The following KCNMB2 variants were observed in gnomAD, a reference collection of about 807,000 sequenced individuals.
The protein encoded by KCNMB2 is potassium calcium-activated channel subfamily M regulatory beta subunit 2.
KCNMB2 carries 9 observed loss-of-function variants against 24.5 expected under a neutral mutation model. The observed-to-expected ratio is 0.37, with a 90% CI of 0.22 to 0.64. KCNMB2 has a LOEUF of 0.64. Among genes scored for constraint, KCNMB2 ranks in the 30% least tolerant of loss-of-function variants. KCNMB2 has a pLI of 0.63. For missense variants in KCNMB2, 226 were observed against 284.3 expected, an observed-to-expected ratio of 0.79 and a Z score of 1.47; for synonymous variants, 109 against 104.4, an observed-to-expected ratio of 1.04 and a Z score of -0.27.
intron 1 of KCNMB2, among the ~76,000 whole-genome samples, chr3:178,718,333 A>C (rs1319248128): frequency 6.6e-6 from 1 of 152,180 alleles, no homozygotes. Context: ...CCAACCAAAC[A>C]AGAAAATCTT....
chr3:178,628,971 T>C (rs1183054605), intron 1 of KCNMB2, among the ~76,000 whole-genome samples: 1 of 152,166 alleles, frequency 6.6e-6, no homozygotes, highest in Non-Finnish European at 1.5e-5. Context: ...CCTGATATCA[T>C]CTCAACAATA....
At chr3:178,650,539 C>A (rs1431105732) in intron 1 of KCNMB2, among the ~76,000 whole-genome samples, 1 of 151,920 alleles carries the variant, frequency 6.6e-6, no homozygotes, top group East Asian at 1.9e-4. Flanking sequence ...ACTACAGGGA[C>A]TTCTCCCTCA....
chr3:178,728,869 C>G (rs1173040401), intron 1 of KCNMB2, among the ~76,000 whole-genome samples: 1 of 152,182 alleles, frequency 6.6e-6, no homozygotes, highest in Non-Finnish European at 1.5e-5. Flanking sequence ...GATCCTATTT[C>G]ATCATTTGTG....
At chr3:178,649,311 C>G (rs538241001) in intron 1 of KCNMB2, among the ~76,000 whole-genome samples, 43 of 152,224 alleles carry the variant, frequency 2.8e-4, no homozygotes, top group African/African-American at 1.0e-3. Flanking sequence ...ATAAACATCA[C>G]CTTCTATTCT....
intron 1 of KCNMB2, among the ~76,000 whole-genome samples, chr3:178,570,816 G>A (rs975428936): frequency 6.6e-6 from 1 of 152,090 alleles, no homozygotes; most frequent in Non-Finnish European, 1.5e-5. Flanking sequence ...ATGAACTCTG[G>A]TAAGAAGAAA....
chr3:178,784,314 T>TA (rs1427695495), intron 1 of KCNMB2, among the ~76,000 whole-genome samples: 1 of 152,174 alleles, frequency 6.6e-6, no homozygotes, highest in East Asian at 1.9e-4. Flanking sequence ...AGAGGTTAAC[T>TA]AGCTTACCCC....
intron 1 of KCNMB2, among the ~76,000 whole-genome samples, chr3:178,586,524 T>A (rs1717433950): frequency 7.7e-6 from 1 of 129,914 alleles, no homozygotes; most frequent in Non-Finnish European, 1.5e-5. Context: ...TTTTCTTTTC[T>A]TTTTTTTTTC....
chr3:178,801,265 T>C (rs1202091173), intron 1 of KCNMB2, among the ~76,000 whole-genome samples: 1 of 152,112 alleles, frequency 6.6e-6, no homozygotes, highest in Non-Finnish European at 1.5e-5. Context: ...TGTTACCCAT[T>C]GTATGCCTGT....
At chr3:178,695,435 G>A (rs868150718) in intron 1 of KCNMB2, among the ~76,000 whole-genome samples, 1 of 152,166 alleles carries the variant, frequency 6.6e-6, no homozygotes, top group Admixed American at 6.5e-5. Flanking sequence ...TCTCCCCCAC[G>A]AAGTGGGTTT....
rs895873244 is a variant in KCNMB2 at position 178,723,314 on chromosome 3, T to C, written c.-67-84029T>C. On this transcript the variant is annotated intron_variant, in intron 1 of 4. Transcript: ENST00000452583. Reference sequence around the variant, plus strand: ...AATCTATGAATCACTTTGTGGATAATTGACATCTTTACTATATTGAGTCTT... The same window carrying C: ...AATCTATGAATCACTTTGTGGATAACTGACATCTTTACTATATTGAGTCTT... Among the ~76,000 whole-genome samples, 3 of 152,222 alleles carry C rather than the reference T, an allele frequency of 2.0e-5. 1 individual carries two copies. The highest frequency in any genetic ancestry group is 7.2e-5 in the African/African-American group (3 of 41,462).
At chr3:178,713,458 A>C (rs1722517393) in intron 1 of KCNMB2, among the ~76,000 whole-genome samples, 1 of 152,236 alleles carries the variant, frequency 6.6e-6, no homozygotes, top group South Asian at 2.1e-4. Flanking sequence ...TCCTGAAGTC[A>C]CCCACTGCTA....
intron 1 of KCNMB2, among the ~76,000 whole-genome samples, chr3:178,784,333 T>C (rs943205120): frequency 6.6e-6 from 1 of 152,168 alleles, no homozygotes; most frequent in Non-Finnish European, 1.5e-5. Flanking sequence ...CCGTGTCATA[T>C]AGCAAAGAAG....
chr3:178,683,164 C>T (rs976152083), intron 1 of KCNMB2, among the ~76,000 whole-genome samples: 1 of 152,108 alleles, frequency 6.6e-6, no homozygotes, highest in Non-Finnish European at 1.5e-5. Context: ...AAATCGTGTT[C>T]TTTGCAGCAA....
chr3:178,797,039 TA>T (rs919330716), intron 1 of KCNMB2, among the ~76,000 whole-genome samples: 8 of 151,092 alleles, frequency 5.3e-5, no homozygotes, highest in African/African-American at 9.7e-5. Flanking sequence ...TAAAATCAGA[TA>T]AAAAAAAGGA....
intron 2 of KCNMB2, among the ~76,000 whole-genome samples, chr3:178,822,472 T>C (rs1253342041): frequency 2.0e-5 from 3 of 152,254 alleles, no homozygotes; most frequent in Admixed American, 6.5e-5. Context: ...TCTGTTTTCC[T>C]TTGGGGCAGG....
intron 1 of KCNMB2, among the ~76,000 whole-genome samples, chr3:178,692,378 T>C (rs1407118939): frequency 1.3e-5 from 2 of 152,214 alleles, no homozygotes; most frequent in African/African-American, 4.8e-5. Flanking sequence ...TAGTTTTGGG[T>C]TTTATATTTA....
At chr3:178,619,022 C>T (rs1039950505) in intron 1 of KCNMB2, among the ~76,000 whole-genome samples, 1 of 152,100 alleles carries the variant, frequency 6.6e-6, no homozygotes, top group South Asian at 2.1e-4. Flanking sequence ...AGCCCGTGTC[C>T]TAAAAAGTTT....
chr3:178,732,996 TGA>T (rs1723202455), intron 1 of KCNMB2, among the ~76,000 whole-genome samples: 1 of 152,100 alleles, frequency 6.6e-6, no homozygotes, highest in African/African-American at 2.4e-5. Context: ...AGGCCATAGA[TGA>T]TGATAGTTAA....
chr3:178,539,062 A>G (rs1459333297), intron 1 of KCNMB2, among the ~76,000 whole-genome samples: 1 of 152,156 alleles, frequency 6.6e-6, no homozygotes, highest in Non-Finnish European at 1.5e-5. Context: ...CAGCCATCGT[A>G]TCAGTCACCA....
Sources: allele counts gnomAD v4.1 joint callset (sites outside exome capture counted in the v4.1 genomes callset), GRCh38; gene constraint gnomAD v4.1.1; transcripts MANE v1.5; gene names NCBI Gene and HGNC (gene_info 2026-07-23, HGNC 2026-07-21).